Variants in TRIM49C observed in about 807,000 individuals in gnomAD.
The protein encoded by TRIM49C is tripartite motif-containing protein 49C.
In TRIM49C, 6 loss-of-function variants were observed where a neutral mutation model predicts 21.4. That is an observed-to-expected ratio of 0.28 (90% CI 0.15 to 0.55). The LOEUF is 0.55. TRIM49C is among the 20% of genes least tolerant of loss of function. TRIM49C has a pLI of 0.94. For missense variants in TRIM49C, 161 were observed against 442.4 expected (o/e 0.36, Z 5.71); for synonymous variants, 57 against 148.1 (o/e 0.38, Z 4.47).
At chr11:90,036,786 A>G (rs2134817224) in intron 4 of TRIM49C, among the ~76,000 whole-genome samples, 2 of 138,898 alleles carry the variant, frequency 1.4e-5, no homozygotes, top group South Asian at 4.9e-4. Context: ...AATCCAAATA[A>G]GAGAGTCAAA....
the TRIM49C span, chr11:90,053,886 T>C: frequency 6.9e-6 from 1 of 144,770 alleles, no homozygotes; most frequent in African/African-American, 2.5e-5. Flanking sequence ...ATTAAGTTTG[T>C]TTTTACTTTA....
At chr11:90,046,578 A>G (rs1200429628), downstream of TRIM49C, among the ~76,000 whole-genome samples, 2 of 121,578 alleles carry the variant, frequency 1.6e-5, no homozygotes, top group South Asian at 3.1e-4. Context: ...GTATTCACTG[A>G]TGGTAGTTTG....
chr11:90,042,874 AT>A (rs1292119035), downstream of TRIM49C, among the ~76,000 whole-genome samples: 12 of 117,654 alleles, frequency 1.0e-4, 3 homozygotes, highest in East Asian at 2.8e-3. Context: ...GAATAGCTAA[AT>A]AAATTTGGTG....
chr11:90,038,880 T>C (rs1950746319), intron 6 of TRIM49C, among the ~76,000 whole-genome samples, 165 bp downstream of exon 6: 1 of 134,894 alleles, frequency 7.4e-6, no homozygotes, highest in African/African-American at 2.6e-5. Flanking sequence ...AGTAAATAAA[T>C]GAATAAAAGA....
the TRIM49C span, among the ~76,000 whole-genome samples, chr11:90,064,366 A>C: frequency 6.6e-6 from 1 of 151,366 alleles, no homozygotes; most frequent in African/African-American, 2.4e-5. Context: ...AGAATTAATC[A>C]ACCGTTAATT....
intron 2 of TRIM49C, among the ~76,000 whole-genome samples, chr11:90,034,059 TTTGC>T (rs1950706886): frequency 7.9e-6 from 1 of 127,362 alleles, no homozygotes. Flanking sequence ...GGAAAATTAA[TTTGC>T]TTGATTATGG....
the TRIM49C span, among the ~76,000 whole-genome samples, chr11:90,051,683 G>A: frequency 1.0e-4 from 12 of 120,302 alleles, 1 homozygote; most frequent in African/African-American, 3.2e-4. Flanking sequence ...CTGGTGTCAG[G>A]CGAATCGATG....
chr11:90,071,767 C>T, the TRIM49C span: 701 of 1,169,134 alleles, frequency 6.0e-4, 84 homozygotes, highest in Non-Finnish European at 7.8e-4. Flanking sequence ...ATCACAGGAC[C>T]GGTGGACAGG....
chr11:90,046,208 G>A (rs1590918957), downstream of TRIM49C, among the ~76,000 whole-genome samples: 3 of 125,534 alleles, frequency 2.4e-5, 1 homozygote, highest in Non-Finnish European at 3.3e-5. Flanking sequence ...CTTTTGCATC[G>A]ATGTTCATCA....
chr11:90,039,184 G>C lies in TRIM49C; in HGVS notation c.761+469G>C, dbSNP rs554112433. On this transcript the variant is annotated intron_variant, in intron 6 of 7. Transcript: ENST00000448984. ...TCCGCCCGCCTCGGCCTCCCAAAGT[G>C]CTGGGATTACAGGCGTGAACCACCG... 5.2e-5 allele frequency among the ~76,000 whole-genome samples: 7 copies of C among 133,408 alleles called. No homozygotes were observed. In the South Asian group the frequency reaches 8.0e-4, roughly 15 times the overall value. 87.5% of individuals were successfully genotyped at this position (133,408 alleles called of 152,430 possible).
the TRIM49C span, among the ~76,000 whole-genome samples, chr11:90,072,721 G>C: frequency 2.3e-5 from 3 of 130,798 alleles, no homozygotes; most frequent in East Asian, 6.7e-4. Flanking sequence ...TGAGTTTATA[G>C]AAATTGCGAT....
chr11:90,073,166 C>A, the TRIM49C span: 32 of 1,006,662 alleles, frequency 3.2e-5, 5 homozygotes, highest in Admixed American at 2.3e-4. Context: ...GGACATATTT[C>A]TTCTTTTATG....
chr11:90,071,194 C>A, the TRIM49C span: 1 of 493,222 alleles, frequency 2.0e-6, no homozygotes, highest in East Asian at 6.0e-5. Flanking sequence ...TCAGTGCAAG[C>A]TGGAGCACAA....
At chr11:90,049,305 G>A in the TRIM49C span, among the ~76,000 whole-genome samples, 1 of 91,204 alleles carries the variant, frequency 1.1e-5, no homozygotes, top group Non-Finnish European at 2.1e-5. Flanking sequence ...GGACATTTAA[G>A]TCTGCAGCGG....
chr11:90,062,192 C>T, the TRIM49C span: 644 of 420,152 alleles, frequency 1.5e-3, 12 homozygotes, highest in Non-Finnish European at 1.6e-3. Context: ...CCAAGTTAAA[C>T]GAATATGATT....
chr11:90,069,137 C>A, the TRIM49C span, among the ~76,000 whole-genome samples: 1 of 135,082 alleles, frequency 7.4e-6, no homozygotes. Context: ...CAGAGTCTCG[C>A]TCTGTCACCC....
At chr11:90,039,049 A>T (rs1420686645) in intron 6 of TRIM49C, among the ~76,000 whole-genome samples, 1 of 135,170 alleles carries the variant, frequency 7.4e-6, no homozygotes, top group Non-Finnish European at 1.6e-5. Context: ...CCTCCCGAGT[A>T]CCCGGGACTA....
At position 90,033,984 on chromosome 11, in the gene TRIM49C, A is replaced by G. The variant is rs572859227; in HGVS notation, c.-4-1224A>G. 5.6e-4 allele frequency among the ~76,000 whole-genome samples: 74 copies of G among 131,418 alleles called. 11 individuals carry two copies. The highest frequency in any genetic ancestry group is 3.7e-3 in the South Asian group (14 of 3,772). The allele number at this position is 131,418 out of a possible 152,430, so 86.2% of individuals were successfully genotyped here. A position where few individuals can be genotyped will look rare whatever the true frequency, so the allele number is the denominator to read the frequency against. On this transcript the variant is annotated intron_variant, in intron 2 of 7. Coordinates refer to ENST00000448984, the MANE Select transcript of TRIM49C (RefSeq NM_001195234.1). Reference sequence around the variant, plus strand: ...AAAAAAAAAACTAAAAACACCTGACATATTTCTCAGAACATACATCTGTCC... The same window carrying G: ...AAAAAAAAAACTAAAAACACCTGACGTATTTCTCAGAACATACATCTGTCC...
the TRIM49C span, chr11:90,057,984 C>T: frequency 3.3e-6 from 5 of 1,520,050 alleles, no homozygotes; most frequent in Non-Finnish European, 4.4e-6. Context: ...GCTGTCCACT[C>T]CCTGGGGATC....
Sources: allele counts gnomAD v4.1 joint callset (sites outside exome capture counted in the v4.1 genomes callset), GRCh38; gene constraint gnomAD v4.1.1; transcripts MANE v1.5; gene names NCBI Gene and HGNC (gene_info 2026-07-23, HGNC 2026-07-21).